The following TERT variants were observed in gnomAD, a reference collection of about 807,000 sequenced individuals.
TERT encodes telomerase reverse transcriptase.
TERT carries 42 observed loss-of-function variants against 104.0 expected under a neutral mutation model. The observed-to-expected ratio is 0.40, with a 90% confidence interval of 0.32 to 0.52. The LOEUF (loss-of-function observed/expected upper bound fraction) is 0.52. Ranked by LOEUF, TERT falls within the 20% of genes least tolerant of loss-of-function variation. The pLI is 0.43. For synonymous variants in TERT, 781 were observed against 725.6 expected (o/e 1.08, Z -1.23); for missense variants, 1,101 against 1,610.3 (o/e 0.68, Z 5.41).
At position 1,255,139 on chromosome 5, in the gene TERT, G is replaced by C. The variant is rs1343954323; in HGVS notation, c.3157+148C>G. On this transcript the variant is annotated intron_variant, in intron 14 of 15. Transcript: ENST00000310581. The surrounding 1 kb of genome is among the most constrained non-coding windows in gnomAD (Gnocchi z 6.9). ...CTCTGCTCACCCCACGAGAGGGCGG[G>C]CAGACGAGCCTGACAGTGGTTGGGT... The C allele has an allele frequency of 2.0e-6, 2 of 1,008,784 alleles. No homozygotes were observed. The highest frequency in any genetic ancestry group is 2.1e-5 in the Admixed American group (1 of 48,374). 62.5% of individuals were successfully genotyped at this position (1,008,784 alleles called of 1,614,324 possible).
At chr5:1,276,256 T>C (rs1164942912) in intron 6 of TERT, among the ~76,000 whole-genome samples, 2 of 98,966 alleles carry the variant, frequency 2.0e-5, no homozygotes, top group Admixed American at 1.1e-4. Context: ...GAAAACCAAT[T>C]CACAGATCTC....
At chr5:1,264,938 C>T (rs1035389946) in intron 10 of TERT, among the ~76,000 whole-genome samples, 14 of 152,212 alleles carry the variant, frequency 9.2e-5, no homozygotes, top group South Asian at 2.1e-4. Flanking sequence ...ATCTGTGGTC[C>T]GGGGCAGACT....
rs545882641 is a variant in TERT, at chr5:1,276,673, A to G, written c.2286+1968T>C. On this transcript the variant is annotated intron_variant, in intron 6 of 15. Transcript: ENST00000310581. ...ATGAAAACCAATCCCACAGATCCCC[A>G]CCTACCCCACACATGAAAACCAATT... Among the ~76,000 whole-genome samples the G allele has an allele frequency of 1.5e-4, 7 of 46,474 alleles. No individual in the cohort carries two copies. The South Asian group carries it at 4.2e-3, about 28-fold the overall frequency. 30.5% of individuals were successfully genotyped at this position (46,474 alleles called of 152,430 possible).
At chr5:1,290,932 C>G (rs71575538) in intron 2 of TERT, among the ~76,000 whole-genome samples, 189 of 44,956 alleles carry the variant, frequency 4.2e-3, no homozygotes, top group Admixed American at 6.7e-3. Context: ...ACCCGGGGGC[C>G]GTGCCTCACT....
chr5:1,278,782 G>A lies in TERT; in HGVS notation c.2145C>T (p.Gly715=), dbSNP rs769467251. The A allele has an allele frequency of 2.2e-5, 36 of 1,613,968 alleles. No homozygotes were observed. Among genetic ancestry groups the A allele is most frequent in the South Asian group, 1.6e-4 (15 of 91,094 alleles). Residue 715 remains glycine (G), a synonymous_variant, in exon 6 of 16, where the codon GGC becomes GGT. Coordinates refer to ENST00000310581, the MANE Select transcript of TERT (RefSeq NM_198253.3). ...ELYFVKVDVT[G]AYDTIPQDRL... ...TGTCCTGGGGGATGGTGTCGTACGC[G>A]CCCGTCACATCCACCTGTGTGAGTG... is the stretch of plus-strand genomic sequence containing the variant.
chr5:1,290,298 G>A (rs1750806854), intron 2 of TERT, among the ~76,000 whole-genome samples: 1 of 63,076 alleles, frequency 1.6e-5, no homozygotes, highest in Non-Finnish European at 2.9e-5. Flanking sequence ...GGACACCCGG[G>A]GACGGCGCCT....
intron 3 of TERT, among the ~76,000 whole-genome samples, chr5:1,281,385 G>C (rs1042562754): frequency 2.6e-5 from 4 of 152,150 alleles, no homozygotes; most frequent in African/African-American, 9.7e-5. Flanking sequence ...TTGGGGCATG[G>C]GGTGTCACAA....
chr5:1,260,221 G>A (rs558199294), intron 12 of TERT, among the ~76,000 whole-genome samples: 29 of 152,336 alleles, frequency 1.9e-4, no homozygotes, highest in African/African-American at 5.3e-4. Flanking sequence ...GACTGTGCAC[G>A]AACACACATG....
intron 2 of TERT, 134 bp downstream of exon 2, chr5:1,293,179 G>A (rs1487318259): frequency 8.8e-6 from 9 of 1,024,792 alleles, no homozygotes; most frequent in East Asian, 2.5e-5. Context: ...TCCACTCGAC[G>A]TCCTGAGCGA....
At chr5:1,259,810 G>A (rs1450530994) in intron 12 of TERT, among the ~76,000 whole-genome samples, 1 of 141,128 alleles carries the variant, frequency 7.1e-6, no homozygotes, top group Non-Finnish European at 1.5e-5. Context: ...GGATGCAGAT[G>A]CCCACAGGAG....
intron 9 of TERT, among the ~76,000 whole-genome samples, chr5:1,266,805 G>A (rs566832697): frequency 3.9e-5 from 6 of 152,306 alleles, no homozygotes; most frequent in East Asian, 3.9e-4. Flanking sequence ...GCCATCAGGC[G>A]CGGCCCCACT....
chr5:1,279,677 C>T (rs1305653231), intron 4 of TERT, among the ~76,000 whole-genome samples: 1 of 152,174 alleles, frequency 6.6e-6, no homozygotes, highest in Admixed American at 6.5e-5. Flanking sequence ...TCATGCCACA[C>T]CTCTGTCCAC....
chr5:1,278,487 C>T (rs1375757499), intron 6 of TERT, among the ~76,000 whole-genome samples, 154 bp downstream of exon 6: 4 of 151,964 alleles, frequency 2.6e-5, no homozygotes, highest in African/African-American at 9.7e-5. Flanking sequence ...ATACATGCAC[C>T]ACGACACACA....
In TERT at chr5:1,287,510, T is replaced by A. The variant is rs200091432; in HGVS notation, c.1574-4886A>T. ...AAGACTCTGTCTCAAAAAAAAAAAA[T>A]ATATATATATATATATAAATTAAAG... On this transcript the variant is annotated intron_variant, in intron 2 of 15. Coordinates refer to ENST00000310581, the MANE Select transcript of TERT (RefSeq NM_198253.3). This position sits in a 1 kb window ranked among gnomAD's most constrained non-coding sequence, Gnocchi z 4.3. 0.026 allele frequency among the ~76,000 whole-genome samples: 3,175 copies of A among 123,404 alleles called. 51 individuals carry two copies. Among genetic ancestry groups the A allele is most frequent in the Middle Eastern group, 0.077 (17 of 220 alleles). The allele number at this position is 123,404 out of a possible 152,430, so 81.0% of individuals were successfully genotyped here. A position where few individuals can be genotyped will look rare whatever the true frequency, so the allele number is the denominator to read the frequency against.
rs1023329253 is a variant in TERT at position 1,256,283 on chromosome 5, G to A, written c.3033-872C>T. On this transcript the variant is annotated intron_variant, in intron 13 of 15. Coordinates refer to ENST00000310581, the MANE Select transcript of TERT (RefSeq NM_198253.3). This position sits in a 1 kb window ranked among gnomAD's most constrained non-coding sequence, Gnocchi z 7.0. Reference sequence around the variant, plus strand: ...CTCGCCTCGGCCTCCCAAAGTGCTGGGACTACAGGTGTGAGCCACCGCGCC... The same window carrying A: ...CTCGCCTCGGCCTCCCAAAGTGCTGAGACTACAGGTGTGAGCCACCGCGCC... Among the ~76,000 whole-genome samples the A allele has an allele frequency of 3.3e-5, 5 of 152,094 alleles. No individual in the cohort carries two copies. The highest frequency in any genetic ancestry group is 1.2e-4 in the African/African-American group (5 of 41,400).
intron 6 of TERT, among the ~76,000 whole-genome samples, chr5:1,272,549 C>T (rs572150942): frequency 3.9e-5 from 5 of 127,750 alleles, no homozygotes; most frequent in Admixed American, 7.7e-5. Context: ...CCACATCAGA[C>T]CCCACGACCG....
In TERT at chr5:1,253,498, A is replaced by G. The variant is rs751808151; in HGVS notation, c.*230T>C. Reference sequence around the variant, plus strand: ...CGAGCGCCAGCCTGTGGGGAAGTGAAGACGGCAGGTGTGCTGGACACTCAG... The same window carrying G: ...CGAGCGCCAGCCTGTGGGGAAGTGAGGACGGCAGGTGTGCTGGACACTCAG... On this transcript the variant is annotated 3_prime_UTR_variant, in exon 16 of 16. Coordinates refer to ENST00000310581, the MANE Select transcript of TERT (RefSeq NM_198253.3). 28 of 593,758 alleles carry G rather than the reference A, an allele frequency of 4.7e-5. No homozygotes were observed. Among genetic ancestry groups the G allele is most frequent in the Non-Finnish European group, 7.5e-5 (25 of 332,676 alleles). 36.8% of individuals were successfully genotyped at this position (593,758 alleles called of 1,614,324 possible). A position where few individuals can be genotyped will look rare whatever the true frequency, so the allele number is the denominator to read the frequency against.
At chr5:1,280,715 G>C (rs4975538) in intron 3 of TERT, among the ~76,000 whole-genome samples, 47,559 of 152,124 alleles carry the variant, frequency 0.31, 7,862 homozygotes, top group Middle Eastern at 0.4. Flanking sequence ...GGTAGCCCAA[G>C]GCTGGCCCCA....
intron 15 of TERT, 146 bp from the exon 16 acceptor site, chr5:1,253,977 C>A: frequency 2.2e-6 from 2 of 918,710 alleles, no homozygotes; most frequent in Non-Finnish European, 1.7e-6. Context: ...ACAGACACCC[C>A]TCCACCGGGG....
Sources: allele counts gnomAD v4.1 joint callset (sites outside exome capture counted in the v4.1 genomes callset), GRCh38; gene constraint gnomAD v4.1.1; non-coding constraint Gnocchi (gnomAD v3.1); transcripts MANE v1.5; gene names NCBI Gene and HGNC (gene_info 2026-07-23, HGNC 2026-07-21).